Variants in CAST observed in about 807,000 individuals in gnomAD.
CAST encodes the protein calpastatin, also known as MIR583 host.
In CAST, 76 loss-of-function variants were observed where a neutral mutation model predicts 119.6. The ratio of observed to expected loss-of-function variants is 0.64; its 90% CI spans 0.53 to 0.77. CAST has a LOEUF of 0.77. Ranked by LOEUF, CAST falls within the 30% of genes least tolerant of loss-of-function variation. The pLI is 0.00. For missense variants in CAST, 953 were observed against 946.5 expected (o/e 1.01, Z -0.09); for synonymous variants, 319 against 331.6 (o/e 0.96, Z 0.41).
chr5:96,089,726 G>T, the CAST span, among the ~76,000 whole-genome samples: 1 of 152,162 alleles, frequency 6.6e-6, no homozygotes, highest in African/African-American at 2.4e-5. Context: ...GAAGGGAATT[G>T]GGAAATCAAG....
the CAST span, among the ~76,000 whole-genome samples, chr5:96,448,430 A>C: frequency 6.6e-6 from 1 of 152,206 alleles, no homozygotes; most frequent in Admixed American, 6.5e-5. Flanking sequence ...TCATTCATTC[A>C]TTCACTCAAC....
the CAST span, among the ~76,000 whole-genome samples, chr5:96,171,238 C>T: frequency 6.6e-6 from 1 of 152,084 alleles, no homozygotes; most frequent in Non-Finnish European, 1.5e-5. Context: ...CCATTTAGGG[C>T]CATTGTCAAG....
Position 96,662,465 on chromosome 5 carries a change from C to T in CAST, c.43C>T (p.Arg15Trp), listed in dbSNP as rs1477561161. 5 of 1,433,574 alleles carry T rather than the reference C, an allele frequency of 3.5e-6. No homozygotes were observed. The highest frequency in any genetic ancestry group is 1.4e-5 in the South Asian group (1 of 70,446). The allele number at this position is 1,433,574 out of a possible 1,614,324, so 88.8% of individuals were successfully genotyped here. A position where few individuals can be genotyped will look rare whatever the true frequency, so the allele number is the denominator to read the frequency against. The stretch of plus-strand genomic sequence containing the variant: ...GAAGCCCGCCGCCTCCCCGCGGCCC[C>T]GGCGAGCAGCCGCCGCCCGCCGCAC... ...GQKPAASPRP[R>W]RAAAARRTHE... Residue 15 changes from arginine (R) to tryptophan (W), a missense_variant, in exon 1 of 32, where the codon CGG becomes TGG. Coordinates refer to ENST00000675179, the MANE Select transcript of CAST (RefSeq NM_001750.7).
chr5:96,413,881 A>T, the CAST span, among the ~76,000 whole-genome samples: 1 of 141,654 alleles, frequency 7.1e-6, no homozygotes, highest in Non-Finnish European at 1.5e-5. Flanking sequence ...GCACTTTGGG[A>T]GGCCGAGGCG....
the CAST span, among the ~76,000 whole-genome samples, chr5:96,383,590 C>T: frequency 0.27 from 40,766 of 151,978 alleles, 5,571 homozygotes; most frequent in South Asian, 0.35. Context: ...GGACTACAGG[C>T]GCAGGCCACC....
chr5:96,523,084 C>T (rs912217183), upstream of CAST, among the ~76,000 whole-genome samples: 1 of 152,262 alleles, frequency 6.6e-6, no homozygotes, highest in East Asian at 1.9e-4. Context: ...GGTCAAAGGG[C>T]AGCTATGCCA....
rs1205731315 is a variant in CAST at position 96,750,666 on chromosome 5, C to A, written c.1508C>A (p.Pro503His). Reference sequence around the variant, plus strand: ...ATGTGTAGTATACAGTCAGCACCCCCTGAGCCGGCTACCTTGGTGAGTGAC... The same window carrying A: ...ATGTGTAGTATACAGTCAGCACCCCATGAGCCGGCTACCTTGGTGAGTGAC... ...TSMCSIQSAP[P>H]EPATLKGTVP... is the part of the protein sequence containing the mutation. Residue 503 changes from proline to histidine, a missense_variant, in exon 20 of 32, where the codon CCT becomes CAT. Transcript: ENST00000675179. 6.2e-7 allele frequency: 1 copy of A among 1,612,488 alleles called. No individual in the cohort carries two copies. Among genetic ancestry groups the A allele is most frequent in the Admixed American group, 1.7e-5 (1 of 59,988 alleles).
the CAST span, among the ~76,000 whole-genome samples, chr5:96,040,131 G>A: frequency 1.3e-5 from 2 of 152,182 alleles, no homozygotes; most frequent in African/African-American, 4.8e-5. Flanking sequence ...TCTCTTAGTA[G>A]CAATTGTGAA....
intron 1 of CAST, among the ~76,000 whole-genome samples, chr5:96,593,990 C>T (rs1047336688): frequency 6.6e-6 from 1 of 152,224 alleles, no homozygotes; most frequent in Non-Finnish European, 1.5e-5. Context: ...AAATAATTTG[C>T]AATGCCAAAG....
chr5:96,275,198 C>T, the CAST span, among the ~76,000 whole-genome samples: 11 of 152,092 alleles, frequency 7.2e-5, no homozygotes, highest in African/African-American at 1.2e-4. Context: ...GACAGTAAGC[C>T]GTATTTGAAC....
the CAST span, among the ~76,000 whole-genome samples, chr5:96,380,113 AG>A: frequency 2.0e-5 from 3 of 152,216 alleles, no homozygotes; most frequent in African/African-American, 7.2e-5. Context: ...ATATCTTTTC[AG>A]GGTGTCTGCA....
chr5:96,421,992 TTAAAAAAA>T, the CAST span: 12 of 388,366 alleles, frequency 3.1e-5, no homozygotes, highest in African/African-American at 5.6e-5. Context: ...TGTGGCAGCA[TTAAAAAAA>T]AAAAAAAAAA....
intron 3 of CAST, among the ~76,000 whole-genome samples, chr5:96,705,022 A>G (rs1012072019): frequency 1.8e-4 from 27 of 152,208 alleles, no homozygotes; most frequent in Admixed American, 3.3e-4. Context: ...AAAATTGAAT[A>G]AAACATATTA....
chr5:96,766,037 C>G lies in CAST; in HGVS notation c.2038-16C>G. 1.5e-6 allele frequency: 2 copies of G among 1,374,648 alleles called. No individual in the cohort carries two copies. Among genetic ancestry groups the G allele is most frequent in the South Asian group, 2.4e-5 (2 of 84,438 alleles). The allele number at this position is 1,374,648 out of a possible 1,614,324, so 85.2% of individuals were successfully genotyped here. A position where few individuals can be genotyped will look rare whatever the true frequency, so the allele number is the denominator to read the frequency against. The stretch of plus-strand genomic sequence containing the variant: ...AGGAAATGAATATTAATTCTATCTG[C>G]TCACTGTTGATATAGGAAAAAGCTA... On this transcript the variant is annotated splice_polypyrimidine_tract_variant and intron_variant, in intron 26 of 31. Transcript: ENST00000675179.
At chr5:96,588,242 G>C (rs1580836422) in intron 1 of CAST, among the ~76,000 whole-genome samples, 1 of 102,946 alleles carries the variant, frequency 9.7e-6, no homozygotes, top group Non-Finnish European at 1.8e-5. Context: ...TCACTCTGTT[G>C]CCAGGCTGGA....
intron 1 of CAST, among the ~76,000 whole-genome samples, chr5:96,665,141 C>G (rs943506353): frequency 2.0e-5 from 3 of 152,176 alleles, no homozygotes; most frequent in African/African-American, 7.2e-5. Context: ...TTCCTAGAAC[C>G]AGCTACATGC....
At chr5:96,005,949 A>G in the CAST span, among the ~76,000 whole-genome samples, 2 of 152,212 alleles carry the variant, frequency 1.3e-5, no homozygotes, top group East Asian at 3.8e-4. Flanking sequence ...AGACAAAATT[A>G]AAAATAAGGT....
At chr5:96,586,314 G>A (rs1746860294) in intron 1 of CAST, among the ~76,000 whole-genome samples, 1 of 152,100 alleles carries the variant, frequency 6.6e-6, no homozygotes, top group Admixed American at 6.5e-5. Flanking sequence ...TCTTCGTTTT[G>A]TTTAAATGGG....
At chr5:96,304,829 A>G in the CAST span, among the ~76,000 whole-genome samples, 2 of 152,182 alleles carry the variant, frequency 1.3e-5, no homozygotes, top group Non-Finnish European at 2.9e-5. Flanking sequence ...TGGTACCAGT[A>G]CCATGCTGTT....
Sources: allele counts gnomAD v4.1 joint callset (sites outside exome capture counted in the v4.1 genomes callset), GRCh38; gene constraint gnomAD v4.1.1; transcripts MANE v1.5; gene names NCBI Gene and HGNC (gene_info 2026-07-23, HGNC 2026-07-21).